Variants in GGN observed in about 807,000 individuals in gnomAD.
GGN encodes gametogenetin.
A neutral mutation model predicts 35.5 loss-of-function variants in GGN; 27 were observed. That is an observed-to-expected ratio of 0.76 (90% CI 0.56 to 1.05). The LOEUF (loss-of-function observed/expected upper bound fraction) is 1.05, where lower values mean the gene tolerates loss of function less well. Among genes scored for constraint, GGN ranks in the 50% least tolerant of loss-of-function variants. The probability of loss-of-function intolerance (pLI) is 0.00; values close to 1 mark genes in which losing one functional copy is unlikely to be tolerated. For synonymous variants in GGN, 425 were observed against 444.1 expected (o/e 0.96, Z 0.54); for missense variants, 1,006 against 940.7 (o/e 1.07, Z -0.91).
rs777003291 is a variant in GGN at position 38,386,932 on chromosome 19, T to A, written c.330A>T (p.Lys110Asn). 2.6e-6 allele frequency: 4 copies of A among 1,547,862 alleles called. No individual in the cohort carries two copies. The African/African-American group carries it at 4.1e-5, about 16-fold the overall frequency. ...PAGTLLPGPSKWQKPAGTPVP... is the reference protein window; with the variant it reads ...PAGTLLPGPSNWQKPAGTPVP... ...CTGGAGTGCCCGCGGGCTTTTGCCA[T>A]TTAGACGGGCCGGGCAGCAGAGTCC... is the stretch of plus-strand genomic sequence containing the variant. The change falls in exon 3 of 4, where the codon AAA (lysine) becomes AAT (asparagine). Residue 110 changes from lysine (K) to asparagine (N), a missense_variant. Transcript: ENST00000334928.
Position 38,387,368 on chromosome 19 carries a change from G to T in GGN, c.-19-88C>A, listed in dbSNP as rs2145143701. 6.9e-7 allele frequency: 1 copy of T among 1,442,210 alleles called. No homozygotes were observed. The highest frequency in any genetic ancestry group is 1.4e-5 in the African/African-American group (1 of 69,880). 89.3% of individuals were successfully genotyped at this position (1,442,210 alleles called of 1,614,324 possible). On this transcript the variant is annotated intron_variant, in intron 2 of 3. Transcript: ENST00000334928. The surrounding 1 kb of genome is among the most constrained non-coding windows in gnomAD (Gnocchi z 5.3). ...GTACTTGATCTAATGCGTCCGCACCGGCCCCGCCCCTGTTCTCCAAGATCC... is the reference window on the plus strand; with the variant it reads ...GTACTTGATCTAATGCGTCCGCACCTGCCCCGCCCCTGTTCTCCAAGATCC...
At chr19:38,388,094 C>G (rs1215203611), upstream of GGN, 1 of 162,362 alleles carries the variant, frequency 6.2e-6, no homozygotes, top group Non-Finnish European at 1.3e-5. Context: ...TCCCGCCCCT[C>G]TCATTCCCTC....
rs762836305 is a variant in GGN, at chr19:38,385,527, C to A, written c.1735G>T (p.Ala579Ser). 1 of 1,614,080 alleles carries A rather than the reference C, an allele frequency of 6.2e-7. No individual in the cohort carries two copies. Among genetic ancestry groups the A allele is most frequent in the Non-Finnish European group, 8.5e-7 (1 of 1,180,002 alleles). ...TGGAAGGGCAGCCAGTGGCGCGCAG[C>A]GCGGGTGTTAGCTGCCCCAGTCTGA... Reference protein sequence around the residue: ...ASQTGAANTRAARHWLPFQVL... With the variant: ...ASQTGAANTRSARHWLPFQVL... The change falls in exon 3 of 4, where the codon GCT becomes TCT. Residue 579 changes from alanine to serine, a missense_variant. Transcript: ENST00000334928.
In GGN at chr19:38,385,877, GCCA is replaced by G; in HGVS notation, c.1382_1384del (p.Val461del). On this transcript the variant is annotated inframe_deletion, in exon 3 of 4. Transcript: ENST00000334928. ...GCCCAGACCCGGGGTGAGCGGGGGA[GCCA>G]CCGGCAGCGGCGTTGGCTGGAGCGC... 6.5e-7 allele frequency: 1 copy of G among 1,548,386 alleles called. No individual in the cohort carries two copies. The highest frequency in any genetic ancestry group is 8.7e-7 in the Non-Finnish European group (1 of 1,149,518).
At position 38,387,381 on chromosome 19, in the gene GGN, TTCTCCAAGA is replaced by T; in HGVS notation, c.-19-110_-19-102del. The T allele has an allele frequency of 7.0e-7, 1 of 1,437,960 alleles. No homozygotes were observed. Among genetic ancestry groups the T allele is most frequent in the Non-Finnish European group, 9.1e-7 (1 of 1,098,946 alleles). 89.1% of individuals were successfully genotyped at this position (1,437,960 alleles called of 1,614,324 possible). On this transcript the variant is annotated intron_variant, in intron 2 of 3. Transcript: ENST00000334928. This position sits in a 1 kb window ranked among gnomAD's most constrained non-coding sequence, Gnocchi z 5.3. ...TGCGTCCGCACCGGCCCCGCCCCTG[TTCTCCAAGA>T]TCCGATCAGGCCCAAGTCCTTAGGT...
At position 38,386,516 on chromosome 19, in the gene GGN, G is replaced by C; in HGVS notation, c.746C>G (p.Ser249Trp). 1 of 1,613,016 alleles carries C rather than the reference G, an allele frequency of 6.2e-7. No homozygotes were observed. Among genetic ancestry groups the C allele is most frequent in the Non-Finnish European group, 8.5e-7 (1 of 1,179,974 alleles). The change falls in exon 3 of 4, where the codon TCG (serine) becomes TGG (tryptophan). Residue 249 changes from serine (S) to tryptophan (W), a missense_variant. Ser to Trp is a radical substitution (Grantham distance 177, BLOSUM62 -3). Transcript: ENST00000334928. Reference protein sequence around the residue: ...LSLLCKITFKSRPSLAPPAAS... With the variant: ...LSLLCKITFKWRPSLAPPAAS... ...TGCCGGAGGGGCCAAAGAGGGCCTC[G>C]ACTTGAAGGTGATTTTACACAGCAG...
Position 38,385,990 on chromosome 19 carries a change from G to C in GGN, c.1272C>G (p.Gly424=). 3 of 1,607,182 alleles carry C rather than the reference G, an allele frequency of 1.9e-6. No homozygotes were observed. The highest frequency in any genetic ancestry group is 2.5e-6 in the Non-Finnish European group (3 of 1,176,946). Residue 424 remains glycine (G), a synonymous_variant, in exon 3 of 4, where the codon GGC becomes GGG. Transcript: ENST00000334928. ...PTFIFPAPTN[G]EPMRPGPPGL... is the part of the protein sequence containing the mutation. ...CTGGAGGCCCCGGGCGCATGGGCTC[G>C]CCATTGGTGGGTGCTGGGAAGATGA...
intron 3 of GGN, 108 bp downstream of exon 3, chr19:38,385,313 A>C (rs1970689226): frequency 6.9e-7 from 1 of 1,439,348 alleles, no homozygotes; most frequent in South Asian, 1.3e-5. Context: ...GAGATGTGGC[A>C]GAGATGAAGG....
Position 38,387,124 on chromosome 19 carries a change from C to T in GGN, c.138G>A (p.Gly46=), listed in dbSNP as rs766304390. ...MTSQAMRLTR[G]LGVWFPGSAT... ...CGCTGCCAGGGAACCAGACACCCAG[C>T]CCACGAGTCAGGCGCATGGCCTGGG... The change falls in exon 3 of 4, where the codon GGG becomes GGA. Residue 46 remains glycine, a synonymous_variant. Transcript: ENST00000334928. This position sits in a 1 kb window ranked among gnomAD's most constrained non-coding sequence, Gnocchi z 5.3. 7 of 1,565,344 alleles carry T rather than the reference C, an allele frequency of 4.5e-6. No individual in the cohort carries two copies. Among genetic ancestry groups the T allele is most frequent in the Non-Finnish European group, 5.2e-6 (6 of 1,154,902 alleles).
Position 38,387,237 on chromosome 19 carries a change from A to T in GGN, c.25T>A (p.Ser9Thr). MGNLQSEP[S>T]AGGGSRKVQP... ...ACTTTTCGGGAGCCCCCGCCCGCGG[A>T]TGGCTCCGACTGCAAGTTCCCCATT... The change falls in exon 3 of 4, where the codon TCC becomes ACC. Residue 9 changes from serine (S) to threonine (T), a missense_variant. Coordinates refer to ENST00000334928, the MANE Select transcript of GGN (RefSeq NM_152657.4). This position sits in a 1 kb window ranked among gnomAD's most constrained non-coding sequence, Gnocchi z 5.3. The T allele has an allele frequency of 6.3e-7, 1 of 1,596,596 alleles. No homozygotes were observed. Among genetic ancestry groups the T allele is most frequent in the Admixed American group, 1.7e-5 (1 of 58,200 alleles).
At position 38,385,947 on chromosome 19, in the gene GGN, G is replaced by A; in HGVS notation, c.1315C>T (p.Pro439Ser). ...GGCGGCGGTGTGGGCGGTGGCAGCG[G>A]TGGTAACTCCTGCAGGCCTGGAGGC... is the stretch of plus-strand genomic sequence containing the variant. ...PGPPGLQELP[P>S]LPPPTPPPTL... Residue 439 changes from proline to serine, a missense_variant, in exon 3 of 4, where the codon CCG becomes TCG. Transcript: ENST00000334928. 1.3e-6 allele frequency: 2 copies of A among 1,595,784 alleles called. No individual in the cohort carries two copies. Among genetic ancestry groups the A allele is most frequent in the Non-Finnish European group, 1.7e-6 (2 of 1,172,148 alleles).
In GGN at chr19:38,384,377, G is replaced by C; in HGVS notation, c.*35C>G. 1 of 1,451,858 alleles carries C rather than the reference G, an allele frequency of 6.9e-7. No homozygotes were observed. Among genetic ancestry groups the C allele is most frequent in the Non-Finnish European group, 9.7e-7 (1 of 1,033,714 alleles). 89.9% of individuals were successfully genotyped at this position (1,451,858 alleles called of 1,614,324 possible). A position where few individuals can be genotyped will look rare whatever the true frequency, so the allele number is the denominator to read the frequency against. On this transcript the variant is annotated 3_prime_UTR_variant, in exon 4 of 4. Coordinates refer to ENST00000334928, the MANE Select transcript of GGN (RefSeq NM_152657.4). Reference sequence around the variant, plus strand: ...TCTGGATTGGTTATTTTATTGGCATGGAGGGGAAGGTGGAGGGTGTTGAGC... The same window carrying C: ...TCTGGATTGGTTATTTTATTGGCATCGAGGGGAAGGTGGAGGGTGTTGAGC...
In GGN at chr19:38,384,386, G is replaced by T; in HGVS notation, c.*26C>A. ...GTTATTTTATTGGCATGGAGGGGAA[G>T]GTGGAGGGTGTTGAGCCGACTACAC... On this transcript the variant is annotated 3_prime_UTR_variant, in exon 4 of 4. Transcript: ENST00000334928. The T allele has an allele frequency of 6.6e-7, 1 of 1,505,248 alleles. No homozygotes were observed. Among genetic ancestry groups the T allele is most frequent in the Non-Finnish European group, 9.2e-7 (1 of 1,081,604 alleles). 93.2% of individuals were successfully genotyped at this position (1,505,248 alleles called of 1,614,324 possible). A position where few individuals can be genotyped will look rare whatever the true frequency, so the allele number is the denominator to read the frequency against.
In GGN at chr19:38,385,527, C is replaced by T. The variant is rs762836305; in HGVS notation, c.1735G>A (p.Ala579Thr). Residue 579 changes from alanine (A) to threonine (T), a missense_variant, in exon 3 of 4, where the codon GCT (alanine) becomes ACT (threonine). Coordinates refer to ENST00000334928, the MANE Select transcript of GGN (RefSeq NM_152657.4). Reference sequence around the variant, plus strand: ...TGGAAGGGCAGCCAGTGGCGCGCAGCGCGGGTGTTAGCTGCCCCAGTCTGA... The same window carrying T: ...TGGAAGGGCAGCCAGTGGCGCGCAGTGCGGGTGTTAGCTGCCCCAGTCTGA... ...ASQTGAANTR[A>T]ARHWLPFQVL... 6.8e-6 allele frequency: 11 copies of T among 1,613,962 alleles called. No homozygotes were observed. The Admixed American group carries it at 1.7e-4, about 24-fold the overall frequency.
Position 38,385,530 on chromosome 19 carries a change from G to C in GGN, c.1732C>G (p.Arg578Gly), listed in dbSNP as rs148338405. The C allele has an allele frequency of 7.4e-4, 1,190 of 1,614,064 alleles. 3 individuals are homozygous for C. The highest frequency in any genetic ancestry group is 2.5e-3 in the South Asian group (225 of 91,074). Residue 578 changes from arginine to glycine, a missense_variant, in exon 3 of 4, where the codon CGC (arginine) becomes GGC (glycine). Transcript: ENST00000334928. ...GASQTGAANT[R>G]AARHWLPFQV... Reference sequence around the variant, plus strand: ...AAGGGCAGCCAGTGGCGCGCAGCGCGGGTGTTAGCTGCCCCAGTCTGAGAG... The same window carrying C: ...AAGGGCAGCCAGTGGCGCGCAGCGCCGGTGTTAGCTGCCCCAGTCTGAGAG...
upstream of GGN, chr19:38,388,312 C>T: frequency 2.6e-6 from 1 of 390,984 alleles, no homozygotes; most frequent in Non-Finnish European, 4.5e-6. Flanking sequence ...TAGTCCTCGC[C>T]TGCAGCATCC....
upstream of GGN, among the ~76,000 whole-genome samples, chr19:38,388,246 C>T (rs1157824020): frequency 2.6e-5 from 4 of 152,180 alleles, no homozygotes; most frequent in Non-Finnish European, 5.9e-5. Context: ...TCTCCTTCCC[C>T]CCGGGCGCCG....
rs1368962297 is a variant in GGN at position 38,385,862 on chromosome 19, G to A, written c.1400C>T (p.Pro467Leu). The A allele has an allele frequency of 6.5e-7, 1 of 1,544,520 alleles. No individual in the cohort carries two copies. Among genetic ancestry groups the A allele is most frequent in the East Asian group, 2.4e-5 (1 of 40,996 alleles). ...TPLPVAPPLTPGLGHKESALA... is the reference protein window; with the variant it reads ...TPLPVAPPLTLGLGHKESALA... ...GGCTGACTCCTTGTGGCCCAGACCCGGGGTGAGCGGGGGAGCCACCGGCAG... is the reference window on the plus strand; with the variant it reads ...GGCTGACTCCTTGTGGCCCAGACCCAGGGTGAGCGGGGGAGCCACCGGCAG... The change falls in exon 3 of 4, where the codon CCG becomes CTG. Residue 467 changes from proline (P) to leucine (L), a missense_variant. Physicochemically the swap from Pro to Leu is moderately conservative, Grantham distance 98. Transcript: ENST00000334928.
chr19:38,386,827 C>T lies in GGN; in HGVS notation c.435G>A (p.Pro145=), dbSNP rs773898162. The change falls in exon 3 of 4, where the codon CCG becomes CCA. Residue 145 remains proline, a synonymous_variant. Coordinates refer to ENST00000334928, the MANE Select transcript of GGN (RefSeq NM_152657.4). ...TCACGGATAGTTGCCGGGGCGGCGG[C>T]GGCGGCTTCAGCGGGCGGAGGCTCG... is the stretch of plus-strand genomic sequence containing the variant. The part of the protein sequence containing the change: ...DPPSLRPLKP[P]PPPRQLSVKD... 14 of 1,607,448 alleles carry T rather than the reference C, an allele frequency of 8.7e-6. No individual in the cohort carries two copies. The highest frequency in any genetic ancestry group is 2.2e-5 in the East Asian group (1 of 44,672).
Sources: allele counts gnomAD v4.1 joint callset (sites outside exome capture counted in the v4.1 genomes callset), GRCh38; gene constraint gnomAD v4.1.1; non-coding constraint Gnocchi (gnomAD v3.1); transcripts MANE v1.5; gene names NCBI Gene and HGNC (gene_info 2026-07-23, HGNC 2026-07-21).